The following GPATCH2L variants were observed in gnomAD, a reference collection of about 807,000 sequenced individuals.
GPATCH2L encodes G-patch domain containing 2 like, also known as G patch domain-containing protein 2-like.
GPATCH2L carries 31 observed loss-of-function variants against 57.4 expected under a neutral mutation model. The observed-to-expected ratio is 0.54, with a 90% confidence interval of 0.41 to 0.73. The LOEUF (loss-of-function observed/expected upper bound fraction) is 0.73, where lower values mean the gene tolerates loss of function less well. GPATCH2L is among the 30% of genes least tolerant of loss of function. The pLI, the probability that GPATCH2L is intolerant of heterozygous loss-of-function variation, is 0.00. For missense variants in GPATCH2L, 481 were observed against 599.9 expected (o/e 0.80, Z 2.07); for synonymous variants, 199 against 210.7 (o/e 0.94, Z 0.48).
intron 5 of GPATCH2L, 44 bp downstream of exon 5, chr14:76,173,669 T>C (rs373935229): frequency 1.7e-6 from 2 of 1,168,354 alleles, no homozygotes; most frequent in South Asian, 1.2e-5. Flanking sequence ...GGAGATAATA[T>C]TCCCTATGGG....
chr14:76,224,031 C>T (rs2139867227), intron 1 of GPATCH2L, among the ~76,000 whole-genome samples: 1 of 152,310 alleles, frequency 6.6e-6, no homozygotes, highest in South Asian at 2.1e-4. Flanking sequence ...TGTGGTATAT[C>T]TGTACAATAA....
chr14:76,156,761 C>T lies in GPATCH2L; in HGVS notation c.662+1736C>T, dbSNP rs538916897. Among the ~76,000 whole-genome samples, 74 of 152,294 alleles carry T rather than the reference C, an allele frequency of 4.9e-4. 1 individual carries two copies. Among genetic ancestry groups the T allele is most frequent in the Admixed American group, 1.5e-3 (23 of 15,286 alleles). On this transcript the variant is annotated intron_variant, in intron 2 of 9. Coordinates refer to ENST00000261530, the MANE Select transcript of GPATCH2L (RefSeq NM_017926.4). ...TTCCCCTTAATTTCTTGTTAAACTA[C>T]GACATAATTGTATGTGAGAGAGCGA... is the stretch of plus-strand genomic sequence containing the variant.
At chr14:76,162,311 A>G (rs890181380) in intron 2 of GPATCH2L, among the ~76,000 whole-genome samples, 21 of 152,142 alleles carry the variant, frequency 1.4e-4, no homozygotes, top group African/African-American at 3.4e-4. Context: ...CCGCATGCCC[A>G]TCCGCATCTG....
At chr14:76,161,348 A>G (rs2038574041) in intron 2 of GPATCH2L, among the ~76,000 whole-genome samples, 1 of 152,202 alleles carries the variant, frequency 6.6e-6, no homozygotes, top group African/African-American at 2.4e-5. Context: ...AATTAGATGC[A>G]AAAAACACCT....
rs1467260057 is a variant in GPATCH2L at position 76,154,618 on chromosome 14, T to C, written c.255T>C (p.Phe85=). The change falls in exon 2 of 10, where the codon TTT becomes TTC. Residue 85 remains phenylalanine, a synonymous_variant. Transcript: ENST00000261530. The surrounding 1 kb of genome is among the most constrained non-coding windows in gnomAD (Gnocchi z 4.4). ...GAGAAGTGGCTCCGGTGACCAATTT[T>C]AGTGACTCTGATGACACAATGGTAG... ...DCREVAPVTN[F]SDSDDTMVAK... 6.2e-7 allele frequency: 1 copy of C among 1,614,254 alleles called. No homozygotes were observed. Among genetic ancestry groups the C allele is most frequent in the Admixed American group, 1.7e-5 (1 of 60,028 alleles).
chr14:76,165,255 A>G lies in GPATCH2L; in HGVS notation c.663-1408A>G, dbSNP rs569969802. The stretch of plus-strand genomic sequence containing the variant: ...ATGCCTGTAATCTCAGCACTTTGGG[A>G]GGCCATGGTGGGCGGATCATGAGGT... On this transcript the variant is annotated intron_variant, in intron 2 of 9. Transcript: ENST00000261530. Among the ~76,000 whole-genome samples, 12 of 152,242 alleles carry G rather than the reference A, an allele frequency of 7.9e-5. No individual in the cohort carries two copies. In the East Asian group the frequency reaches 1.9e-3, roughly 25 times the overall value.
In GPATCH2L at chr14:76,154,570, G is replaced by A. The variant is rs1303787824; in HGVS notation, c.207G>A (p.Leu69=). Residue 69 remains leucine, a synonymous_variant, in exon 2 of 10, where the codon CTG becomes CTA. Coordinates refer to ENST00000261530, the MANE Select transcript of GPATCH2L (RefSeq NM_017926.4). This position sits in a 1 kb window ranked among gnomAD's most constrained non-coding sequence, Gnocchi z 4.4. ...CCYSEASESS[L]DEATKDCREV... is the part of the protein sequence containing the mutation. ...ACAGCGAGGCCTCTGAGTCAAGTCT[G>A]GATGAGGCCACTAAGGACTGTCGAG... 3 of 1,614,056 alleles carry A rather than the reference G, an allele frequency of 1.9e-6. No homozygotes were observed. Among genetic ancestry groups the A allele is most frequent in the Non-Finnish European group, 1.7e-6 (2 of 1,180,014 alleles).
chr14:76,215,587 T>C (rs1386470571), downstream of GPATCH2L, among the ~76,000 whole-genome samples: 1 of 151,602 alleles, frequency 6.6e-6, no homozygotes, highest in East Asian at 1.9e-4. Context: ...TATGCAGCCA[T>C]AAAAAATGAG....
intron 6 of GPATCH2L, among the ~76,000 whole-genome samples, chr14:76,177,410 G>A (rs2039374494): frequency 6.6e-6 from 1 of 151,750 alleles, no homozygotes; most frequent in Non-Finnish European, 1.5e-5. Context: ...TGTAGCTACA[G>A]GAAAATAATT....
At chr14:76,177,347 G>A (rs2039372109) in intron 6 of GPATCH2L, among the ~76,000 whole-genome samples, 1 of 152,060 alleles carries the variant, frequency 6.6e-6, no homozygotes, top group Non-Finnish European at 1.5e-5. Context: ...CGCCCAACCT[G>A]TGAAATATCT....
At chr14:76,161,230 G>A (rs951016407) in intron 2 of GPATCH2L, among the ~76,000 whole-genome samples, 14 of 152,064 alleles carry the variant, frequency 9.2e-5, no homozygotes, top group African/African-American at 2.9e-4. Flanking sequence ...TTTTTTCCAC[G>A]TTTTTCTAAA....
downstream of GPATCH2L, among the ~76,000 whole-genome samples, chr14:76,215,304 T>C (rs1271395227): frequency 2.0e-5 from 3 of 151,984 alleles, no homozygotes; most frequent in African/African-American, 7.2e-5. Context: ...AGGAACACTT[T>C]TACACTGTTG....
chr14:76,222,239 A>G (rs1354712866), intron 1 of GPATCH2L, among the ~76,000 whole-genome samples: 1 of 152,238 alleles, frequency 6.6e-6, no homozygotes, highest in Non-Finnish European at 1.5e-5. Flanking sequence ...ATGTAATATG[A>G]AGAACTTTCT....
At chr14:76,191,968 G>C (rs553827084) in intron 8 of GPATCH2L, among the ~76,000 whole-genome samples, 1 of 151,890 alleles carries the variant, frequency 6.6e-6, no homozygotes, top group Non-Finnish European at 1.5e-5. Context: ...AGTATCCTCT[G>C]TTCTACTTTT....
At chr14:76,227,519 G>A (rs2040541267) in intron 1 of GPATCH2L, among the ~76,000 whole-genome samples, 1 of 152,190 alleles carries the variant, frequency 6.6e-6, no homozygotes, top group Non-Finnish European at 1.5e-5. Flanking sequence ...ATCCAGGGGT[G>A]TGCAGCAACA....
intron 2 of GPATCH2L, among the ~76,000 whole-genome samples, chr14:76,164,878 C>T (rs555914979): frequency 6.6e-6 from 1 of 152,264 alleles, no homozygotes; most frequent in South Asian, 2.1e-4. Context: ...AAGTAGATGC[C>T]ATGTCCAATC....
chr14:76,225,767 A>T (rs2040534220), intron 1 of GPATCH2L, among the ~76,000 whole-genome samples: 1 of 152,250 alleles, frequency 6.6e-6, no homozygotes, highest in South Asian at 2.1e-4. Flanking sequence ...AATCAATGAA[A>T]ACAAACAGAT....
chr14:76,182,534 TG>T, intron 8 of GPATCH2L, among the ~76,000 whole-genome samples: 1 of 137,994 alleles, frequency 7.2e-6, no homozygotes, highest in Non-Finnish European at 1.5e-5. Context: ...TGTAGTGAGC[TG>T]TGATGATGCC....
At chr14:76,223,079 A>G (rs1417147717) in intron 1 of GPATCH2L, among the ~76,000 whole-genome samples, 3 of 152,218 alleles carry the variant, frequency 2.0e-5, no homozygotes, top group Non-Finnish European at 4.4e-5. Context: ...AAGAATTGAC[A>G]CTAGTCTTAT....
Sources: allele counts gnomAD v4.1 joint callset (sites outside exome capture counted in the v4.1 genomes callset), GRCh38; gene constraint gnomAD v4.1.1; non-coding constraint Gnocchi (gnomAD v3.1); transcripts MANE v1.5; gene names NCBI Gene and HGNC (gene_info 2026-07-23, HGNC 2026-07-21).